NOL4L: variants seen among roughly 807,000 people sequenced by gnomAD.
NOL4L encodes nucleolar protein 4 like.
NOL4L carries 7 observed loss-of-function variants against 64.5 expected under a neutral mutation model. The ratio of observed to expected loss-of-function variants is 0.11; its 90% CI spans 0.06 to 0.20. NOL4L has a LOEUF of 0.20. Ranked by LOEUF, NOL4L falls within the 10% of genes least tolerant of loss-of-function variation. The probability of loss-of-function intolerance (pLI) is 1.00; values close to 1 mark genes in which losing one functional copy is unlikely to be tolerated. For missense variants in NOL4L, 680 were observed against 967.1 expected, an observed-to-expected ratio of 0.70 and a Z score of 3.94; for synonymous variants, 413 against 401.0, an observed-to-expected ratio of 1.03 and a Z score of -0.36.
At chr20:32,518,204 T>G (rs2017759686) in intron 3 of NOL4L, among the ~76,000 whole-genome samples, 1 of 152,184 alleles carries the variant, frequency 6.6e-6, no homozygotes, top group Non-Finnish European at 1.5e-5. Context: ...GCATTGTGTC[T>G]GAGGATGGGG....
chr20:32,448,291 G>T (rs894462509), intron 10 of NOL4L, among the ~76,000 whole-genome samples: 1 of 152,218 alleles, frequency 6.6e-6, no homozygotes, highest in African/African-American at 2.4e-5. Flanking sequence ...GGTAGGCAGG[G>T]GCCCAACACA....
intron 1 of NOL4L, among the ~76,000 whole-genome samples, chr20:32,547,008 G>T (rs889226600): frequency 2.0e-5 from 3 of 152,264 alleles, no homozygotes; most frequent in Admixed American, 2.0e-4. Flanking sequence ...CTTTCAGAGG[G>T]GCTTGATTTT....
At chr20:32,576,421 T>C (rs1980107404) in intron 1 of NOL4L, among the ~76,000 whole-genome samples, 1 of 151,968 alleles carries the variant, frequency 6.6e-6, no homozygotes, top group South Asian at 2.1e-4. Flanking sequence ...GGGTCGGAAG[T>C]GACTCTCAGG....
chr20:32,519,213 T>C (rs1487053296), intron 3 of NOL4L, among the ~76,000 whole-genome samples: 1 of 152,176 alleles, frequency 6.6e-6, no homozygotes, highest in Non-Finnish European at 1.5e-5. Flanking sequence ...ATGTGCCCAA[T>C]GAAACAGCCG....
At chr20:32,482,254 T>C (rs1483687209) in intron 4 of NOL4L, among the ~76,000 whole-genome samples, 3 of 140,194 alleles carry the variant, frequency 2.1e-5, no homozygotes, top group Non-Finnish European at 1.5e-5. Context: ...TTTGTGCTCT[T>C]GGGGAGAGGG....
At chr20:32,471,327 G>C (rs957077317) in intron 5 of NOL4L, among the ~76,000 whole-genome samples, 3 of 150,816 alleles carry the variant, frequency 2.0e-5, no homozygotes, top group African/African-American at 7.3e-5. Flanking sequence ...AGTGAGAGCA[G>C]ACACTCATCC....
At chr20:32,491,210 G>A (rs1600746508) in intron 4 of NOL4L, among the ~76,000 whole-genome samples, 1 of 152,142 alleles carries the variant, frequency 6.6e-6, no homozygotes, top group African/African-American at 2.4e-5. Context: ...GGTCATGGGC[G>A]GTGTATTCCA....
At chr20:32,481,799 C>T (rs187718958) in intron 4 of NOL4L, among the ~76,000 whole-genome samples, 4 of 152,338 alleles carry the variant, frequency 2.6e-5, no homozygotes, top group East Asian at 3.9e-4. Context: ...GGGCCATAAA[C>T]GGGCCTTTTC....
At chr20:32,509,170 C>G (rs1300639304) in intron 4 of NOL4L, among the ~76,000 whole-genome samples, 1 of 152,162 alleles carries the variant, frequency 6.6e-6, no homozygotes, top group Non-Finnish European at 1.5e-5. Context: ...CATTGTTTAT[C>G]ACTGCCTGCT....
intron 1 of NOL4L, among the ~76,000 whole-genome samples, chr20:32,562,259 C>T (rs548086738): frequency 6.6e-6 from 1 of 152,290 alleles, no homozygotes; most frequent in Admixed American, 6.5e-5. Context: ...CCCCCACCCG[C>T]CCATCAGGCT....
At chr20:32,536,976 C>T (rs936538884) in intron 1 of NOL4L, 2 of 763,444 alleles carry the variant, frequency 2.6e-6, no homozygotes, top group African/African-American at 1.9e-5. Flanking sequence ...GCCCACCCCA[C>T]GCGCACCTGC....
At chr20:32,523,400 TC>T (rs1465634976) in intron 2 of NOL4L, among the ~76,000 whole-genome samples, 2 of 151,974 alleles carry the variant, frequency 1.3e-5, no homozygotes, top group African/African-American at 2.4e-5. Flanking sequence ...TGACAAACCC[TC>T]CCCCTGCAAC....
At chr20:32,578,170 G>C (rs1482928354) in intron 1 of NOL4L, among the ~76,000 whole-genome samples, 3 of 144,308 alleles carry the variant, frequency 2.1e-5, no homozygotes. Context: ...GAGGGAGGGA[G>C]GGAGGGAAGG....
Position 32,453,616 on chromosome 20 carries a change from T to G in NOL4L, c.1265A>C (p.Asp422Ala). ...DDHEDNDKMN[D>A]SEGMDPERLK... ...ACGCTCAGGGTCCATGCCTTCAGAG[T>G]CGTTCATCTTGTCATTGTCCTCATG... The change falls in exon 7 of 11, where the codon GAC becomes GCC. Residue 422 changes from aspartate (D) to alanine (A), a missense_variant. Coordinates refer to ENST00000621426, the MANE Select transcript of NOL4L (RefSeq NM_001256798.2). This position sits in a 1 kb window ranked among gnomAD's most constrained non-coding sequence, Gnocchi z 5.6. 1 of 1,612,656 alleles carries G rather than the reference T, an allele frequency of 6.2e-7. No individual in the cohort carries two copies. The highest frequency in any genetic ancestry group is 8.5e-7 in the Non-Finnish European group (1 of 1,179,418).
chr20:32,462,606 TA>T (rs35238325), intron 5 of NOL4L, among the ~76,000 whole-genome samples: 84,643 of 150,614 alleles, frequency 0.56, 26,820 homozygotes, highest in East Asian at 0.98. Flanking sequence ...CCACAACCCT[TA>T]AAAAAAAAAT....
chr20:32,536,981 A>G (rs1252884461), intron 1 of NOL4L: 1 of 475,320 alleles, frequency 2.1e-6, no homozygotes, highest in Non-Finnish European at 2.7e-6. Context: ...CCCCACGCGC[A>G]CCTGCTGCGC....
intron 10 of NOL4L, among the ~76,000 whole-genome samples, chr20:32,451,099 TG>T (rs2012855210): frequency 6.6e-6 from 1 of 152,118 alleles, no homozygotes; most frequent in African/African-American, 2.4e-5. Flanking sequence ...CAGCCAAGGA[TG>T]GGGGCTTAGG....
At position 32,446,942 on chromosome 20, in the gene NOL4L, C is replaced by T. The variant is rs550867479; in HGVS notation, c.*654G>A. ...GTGCCTGGTGGTGTCCCTGTGGCAG[C>T]ACTGGGATCTGCAACAGGATGGCCT... On this transcript the variant is annotated 3_prime_UTR_variant, in exon 11 of 11. Coordinates refer to ENST00000621426, the MANE Select transcript of NOL4L (RefSeq NM_001256798.2). 3.5e-6 allele frequency: 1 copy of T among 289,658 alleles called. No individual in the cohort carries two copies. The highest frequency in any genetic ancestry group is 5.0e-5 in the Admixed American group (1 of 19,848). The allele number at this position is 289,658 out of a possible 1,614,324, so 17.9% of individuals were successfully genotyped here. A position where few individuals can be genotyped will look rare whatever the true frequency, so the allele number is the denominator to read the frequency against.
intron 4 of NOL4L, chr20:32,475,453 C>T (rs2015327313): frequency 4.2e-6 from 2 of 471,680 alleles, no homozygotes; most frequent in East Asian, 3.1e-4. Context: ...TCCAAACAGC[C>T]GGATGGCCTG....
Sources: allele counts gnomAD v4.1 joint callset (sites outside exome capture counted in the v4.1 genomes callset), GRCh38; gene constraint gnomAD v4.1.1; non-coding constraint Gnocchi (gnomAD v3.1); transcripts MANE v1.5; gene names NCBI Gene and HGNC (gene_info 2026-07-23, HGNC 2026-07-21).